Variants in ROBO2 observed in about 807,000 individuals in gnomAD.
ROBO2 encodes the protein roundabout homolog 2.
A neutral mutation model predicts 160.8 loss-of-function variants in ROBO2; 53 were observed. That is an observed-to-expected ratio of 0.33 (90% CI 0.26 to 0.41). The LOEUF (loss-of-function observed/expected upper bound fraction) is 0.41, where lower values mean the gene tolerates loss of function less well. Ranked by LOEUF, ROBO2 falls within the 10% of genes least tolerant of loss-of-function variation. The pLI is 1.00. For missense variants in ROBO2, 1,577 were observed against 1,722.4 expected, an observed-to-expected ratio of 0.92 and a Z score of 1.49; for synonymous variants, 664 against 611.7, an observed-to-expected ratio of 1.09 and a Z score of -1.26.
chr3:77,306,581 A>G (rs980098190), intron 2 of ROBO2, among the ~76,000 whole-genome samples: 5 of 152,206 alleles, frequency 3.3e-5, no homozygotes, highest in Non-Finnish European at 7.4e-5. Context: ...TAAGTTCACT[A>G]ATAGACCAGT....
At chr3:76,657,178 C>T (rs2091571592) in intron 2 of ROBO2, among the ~76,000 whole-genome samples, 1 of 151,948 alleles carries the variant, frequency 6.6e-6, no homozygotes, top group Non-Finnish European at 1.5e-5. Flanking sequence ...GTAATCCCAG[C>T]ACTTTGGGAA....
chr3:76,368,689 C>G (rs74692415), intron 2 of ROBO2, among the ~76,000 whole-genome samples: 126 of 151,978 alleles, frequency 8.3e-4, no homozygotes, highest in Non-Finnish European at 1.5e-3. Flanking sequence ...GAAAATAGCA[C>G]GATTTCTCTT....
At chr3:75,951,235 T>A (rs1274239675) in intron 2 of ROBO2, among the ~76,000 whole-genome samples, 1 of 152,086 alleles carries the variant, frequency 6.6e-6, no homozygotes, top group East Asian at 1.9e-4. Flanking sequence ...TCAATGATGT[T>A]CAGTGAAGAC....
At chr3:76,025,575 T>C (rs1009404538) in intron 2 of ROBO2, among the ~76,000 whole-genome samples, 3 of 151,764 alleles carry the variant, frequency 2.0e-5, no homozygotes, top group East Asian at 1.9e-4. Context: ...AGGAATAATC[T>C]GAGTCTCTCA....
At chr3:76,368,195 A>G (rs1282286078) in intron 2 of ROBO2, among the ~76,000 whole-genome samples, 1 of 151,938 alleles carries the variant, frequency 6.6e-6, no homozygotes, top group African/African-American at 2.4e-5. Context: ...TGCTTTCTGT[A>G]CCTGTTTACA....
intron 2 of ROBO2, among the ~76,000 whole-genome samples, chr3:76,764,758 C>A (rs748703686): frequency 1.3e-5 from 2 of 151,610 alleles, no homozygotes; most frequent in Non-Finnish European, 3.0e-5. Context: ...CTTTTTCAGC[C>A]ACCTCTCTAA....
chr3:77,052,191 A>G (rs540753631), intron 1 of ROBO2, among the ~76,000 whole-genome samples: 6 of 152,324 alleles, frequency 3.9e-5, no homozygotes, highest in Non-Finnish European at 7.3e-5. Context: ...AGAACACAGT[A>G]CAGGCCATGA....
At chr3:76,385,111 C>T (rs1284565374) in intron 2 of ROBO2, among the ~76,000 whole-genome samples, 2 of 152,116 alleles carry the variant, frequency 1.3e-5, no homozygotes, top group Non-Finnish European at 2.9e-5. Flanking sequence ...CCTTCCACCT[C>T]AGTCCCCCAA....
At chr3:76,690,126 T>C (rs552347953) in intron 2 of ROBO2, among the ~76,000 whole-genome samples, 1 of 152,048 alleles carries the variant, frequency 6.6e-6, no homozygotes, top group South Asian at 2.1e-4. Context: ...AAGGGGAGTA[T>C]GGAAACATTT....
chr3:76,378,873 G>A (rs2076481557), intron 2 of ROBO2, among the ~76,000 whole-genome samples: 1 of 152,188 alleles, frequency 6.6e-6, no homozygotes, highest in African/African-American at 2.4e-5. Flanking sequence ...GGTTGCTGGA[G>A]CAAAAAAATT....
chr3:77,584,557 T>A (rs937139394), intron 16 of ROBO2, among the ~76,000 whole-genome samples: 1 of 152,194 alleles, frequency 6.6e-6, no homozygotes, highest in African/African-American at 2.4e-5. Context: ...AAGTATTGTA[T>A]ATGGACAGAT....
intron 2 of ROBO2, among the ~76,000 whole-genome samples, chr3:76,060,895 C>T (rs539683034): frequency 4.9e-4 from 75 of 152,164 alleles, no homozygotes; most frequent in African/African-American, 1.7e-3. Context: ...CTGTTCCCAC[C>T]GTGGAATTTG....
intron 2 of ROBO2, among the ~76,000 whole-genome samples, chr3:77,103,257 A>G (rs925845498): frequency 6.6e-6 from 1 of 152,196 alleles, no homozygotes; most frequent in Non-Finnish European, 1.5e-5. Context: ...ATGAAAATTC[A>G]TGAAAAATTG....
At chr3:76,438,413 C>T in intron 2 of ROBO2, among the ~76,000 whole-genome samples, 1 of 99,654 alleles carries the variant, frequency 1.0e-5, no homozygotes, top group South Asian at 3.6e-4. Context: ...AATCAGTTCA[C>T]ACACACACAC....
intron 2 of ROBO2, among the ~76,000 whole-genome samples, chr3:77,313,711 A>T: frequency 6.6e-6 from 1 of 151,970 alleles, no homozygotes; most frequent in Non-Finnish European, 1.5e-5. Context: ...CAACCTCCCG[A>T]GTAGTTAGGA....
At chr3:76,027,657 A>G (rs2066787518) in intron 2 of ROBO2, among the ~76,000 whole-genome samples, 1 of 151,966 alleles carries the variant, frequency 6.6e-6, no homozygotes. Context: ...TTTTCTCAGA[A>G]AATTTTTAAT....
chr3:76,875,793 A>G (rs1482676852), intron 2 of ROBO2, among the ~76,000 whole-genome samples: 4 of 152,120 alleles, frequency 2.6e-5, no homozygotes, highest in African/African-American at 7.2e-5. Context: ...ATCTGGGATT[A>G]TAGGTGCCTG....
intron 2 of ROBO2, among the ~76,000 whole-genome samples, chr3:76,158,124 T>G (rs1027580343): frequency 6.6e-6 from 1 of 152,168 alleles, no homozygotes; most frequent in Admixed American, 6.6e-5. Flanking sequence ...TTATGCCATA[T>G]GCTCTCCATC....
intron 2 of ROBO2, among the ~76,000 whole-genome samples, chr3:77,430,067 G>C (rs1379260489): frequency 2.0e-5 from 3 of 152,122 alleles, no homozygotes; most frequent in African/African-American, 7.2e-5. Flanking sequence ...ATGATAGCTA[G>C]AAACCCAAGC....
Sources: gnomAD v4.1 joint callset for allele counts (sites outside exome capture counted in the v4.1 genomes callset) on GRCh38, gnomAD v4.1.1 for gene constraint, MANE v1.5 for transcripts, NCBI Gene and HGNC (gene_info 2026-07-23, HGNC 2026-07-21) for gene names.